The following AGMO variants were observed in gnomAD, a reference collection of about 807,000 sequenced individuals.
AGMO encodes alkylglycerol monooxygenase.
Under a neutral mutation model 60.2 loss-of-function variants are expected in AGMO, and 75 were observed. The ratio of observed to expected loss-of-function variants is 1.25; its 90% CI spans 1.03 to 1.51. The LOEUF (loss-of-function observed/expected upper bound fraction) is 1.51. AGMO is among the 40% of genes most tolerant of loss of function. The probability of loss-of-function intolerance (pLI) is 0.00; values close to 1 mark genes in which losing one functional copy is unlikely to be tolerated. For missense variants in AGMO, 763 were observed against 525.5 expected (o/e 1.45, Z -4.42); for synonymous variants, 261 against 177.1 (o/e 1.47, Z -3.76).
At chr7:15,347,576 G>T (rs1365848586) in intron 12 of AGMO, among the ~76,000 whole-genome samples, 3 of 151,198 alleles carry the variant, frequency 2.0e-5, no homozygotes, top group Admixed American at 1.3e-4. Flanking sequence ...GATAATTCAT[G>T]ACTCAAAAAC....
rs1266069775 is a variant in AGMO at position 15,489,109 on chromosome 7, T to G, written c.409+55663A>C. Among the ~76,000 whole-genome samples the G allele has an allele frequency of 2.0e-5, 3 of 152,176 alleles. No individual in the cohort carries two copies. In the South Asian group the frequency reaches 6.2e-4, roughly 31 times the overall value. ...TGCCATAAAAACATGAACTCTTAGC[T>G]TTTAATGATTGTTTTTAAATTTGGG... is the stretch of plus-strand genomic sequence containing the variant. On this transcript the variant is annotated intron_variant, in intron 3 of 12. Coordinates refer to ENST00000342526, the MANE Select transcript of AGMO (RefSeq NM_001004320.2).
intron 5 of AGMO, among the ~76,000 whole-genome samples, chr7:15,406,649 A>G (rs1428096885): frequency 0.013 from 636 of 50,496 alleles, 71 homozygotes; most frequent in Non-Finnish European, 0.02. Flanking sequence ...ATACATATAT[A>G]TGTGTATATA....
intron 12 of AGMO, among the ~76,000 whole-genome samples, chr7:15,302,621 C>T (rs1315399801): frequency 6.6e-6 from 1 of 152,092 alleles, no homozygotes; most frequent in African/African-American, 2.4e-5. Flanking sequence ...GCTTTTAGCG[C>T]AGTACTTGTT....
intron 3 of AGMO, among the ~76,000 whole-genome samples, chr7:15,510,652 T>C (rs1341577164): frequency 1.3e-5 from 2 of 150,114 alleles, no homozygotes; most frequent in African/African-American, 4.9e-5. Context: ...TAGATGAACC[T>C]GGAGGATATT....
chr7:15,450,434 G>GA (rs1025637602), intron 3 of AGMO, among the ~76,000 whole-genome samples: 1 of 148,308 alleles, frequency 6.7e-6, no homozygotes, highest in Non-Finnish European at 1.5e-5. Flanking sequence ...AAAAAAAAAA[G>GA]AAAAAAAATT....
At chr7:15,385,956 G>A (rs560902339) in intron 9 of AGMO, among the ~76,000 whole-genome samples, 41 of 152,164 alleles carry the variant, frequency 2.7e-4, no homozygotes, top group Middle Eastern at 3.4e-3. Context: ...CGAGGCAGGC[G>A]GATCATTTGA....
intron 5 of AGMO, among the ~76,000 whole-genome samples, chr7:15,401,887 T>G (rs1187189302): frequency 6.6e-6 from 1 of 152,112 alleles, no homozygotes; most frequent in Admixed American, 6.6e-5. Flanking sequence ...GGAATAGATG[T>G]CTGCATTTTG....
At chr7:15,262,080 G>A (rs942466043) in intron 12 of AGMO, among the ~76,000 whole-genome samples, 9 of 151,352 alleles carry the variant, frequency 5.9e-5, no homozygotes, top group Non-Finnish European at 1.2e-4. Context: ...CCTGAGAAAA[G>A]AATGTCCATT....
chr7:15,219,741 T>C (rs1781858453), intron 12 of AGMO, among the ~76,000 whole-genome samples: 1 of 152,054 alleles, frequency 6.6e-6, no homozygotes, highest in East Asian at 1.9e-4. Context: ...ATGATGACAG[T>C]GGCCAGAGGG....
the AGMO span, among the ~76,000 whole-genome samples, chr7:15,129,311 G>C: frequency 2.3e-5 from 3 of 132,396 alleles, no homozygotes; most frequent in Non-Finnish European, 5.3e-5. Flanking sequence ...TGTATATCCA[G>C]CTTCTCAGTT....
At chr7:15,309,034 A>AG (rs1780691151) in intron 12 of AGMO, among the ~76,000 whole-genome samples, 1 of 152,160 alleles carries the variant, frequency 6.6e-6, no homozygotes, top group South Asian at 2.1e-4. Context: ...CCAAGTATTC[A>AG]GGCACTGGGC....
the AGMO span, among the ~76,000 whole-genome samples, chr7:15,136,503 TTA>T: frequency 6.6e-6 from 1 of 152,266 alleles, no homozygotes; most frequent in Admixed American, 6.5e-5. Flanking sequence ...TATTTTTTTT[TTA>T]AAAGGAGCAT....
At chr7:15,340,226 G>C (rs74718313) in intron 12 of AGMO, among the ~76,000 whole-genome samples, 1 of 152,080 alleles carries the variant, frequency 6.6e-6, no homozygotes, top group Non-Finnish European at 1.5e-5. Context: ...TAAATTGCAC[G>C]TTACACACCT....
At chr7:15,120,157 T>C in the AGMO span, among the ~76,000 whole-genome samples, 3 of 152,074 alleles carry the variant, frequency 2.0e-5, no homozygotes, top group African/African-American at 7.2e-5. Flanking sequence ...AGCTCAATTT[T>C]TTTTAGATCT....
chr7:15,421,901 A>C (rs1780934751), intron 4 of AGMO, among the ~76,000 whole-genome samples: 1 of 152,158 alleles, frequency 6.6e-6, no homozygotes, highest in South Asian at 2.1e-4. Flanking sequence ...CTCTATGAGA[A>C]GTCAGAAAGA....
chr7:15,348,286 T>C (rs953544894), intron 12 of AGMO, among the ~76,000 whole-genome samples: 2 of 152,006 alleles, frequency 1.3e-5, no homozygotes, highest in African/African-American at 4.8e-5. Context: ...CTCATCAATA[T>C]ACATCAATAT....
intron 12 of AGMO, among the ~76,000 whole-genome samples, chr7:15,284,480 A>G (rs1354684741): frequency 1.3e-5 from 2 of 152,128 alleles, no homozygotes; most frequent in Admixed American, 1.3e-4. Flanking sequence ...GAGGAAATGA[A>G]TAAGCTCTTG....
At chr7:15,559,611 T>C (rs867867241) in intron 2 of AGMO, among the ~76,000 whole-genome samples, 2 of 152,252 alleles carry the variant, frequency 1.3e-5, no homozygotes, top group Non-Finnish European at 1.5e-5. Flanking sequence ...AGAAACAATG[T>C]TCTCTATAGT....
chr7:15,471,166 T>C (rs1022847571), intron 3 of AGMO, among the ~76,000 whole-genome samples: 2 of 151,974 alleles, frequency 1.3e-5, no homozygotes, highest in South Asian at 4.1e-4. Flanking sequence ...ATTTTTCCAT[T>C]TCCTCTATCA....
Sources: gnomAD v4.1 joint callset for allele counts (sites outside exome capture counted in the v4.1 genomes callset) on GRCh38, gnomAD v4.1.1 for gene constraint, MANE v1.5 for transcripts, NCBI Gene and HGNC (gene_info 2026-07-23, HGNC 2026-07-21) for gene names.